CRPPA: variants seen among roughly 807,000 people sequenced by gnomAD.
The protein encoded by CRPPA is CDP-L-ribitol pyrophosphorylase A.
A neutral mutation model predicts 52.0 loss-of-function variants in CRPPA; 43 were observed. The ratio of observed to expected loss-of-function variants is 0.83; its 90% confidence interval spans 0.65 to 1.07. The LOEUF (loss-of-function observed/expected upper bound fraction) is 1.07. Among genes scored for constraint, CRPPA ranks in the 50% least tolerant of loss-of-function variants. CRPPA has a pLI of 0.00. For missense variants in CRPPA, 629 were observed against 551.7 expected (o/e 1.14, Z -1.40); for synonymous variants, 250 against 203.5 (o/e 1.23, Z -1.94).
At chr7:16,366,887 A>G (rs1786608086) in intron 3 of CRPPA, among the ~76,000 whole-genome samples, 1 of 152,088 alleles carries the variant, frequency 6.6e-6, no homozygotes, top group African/African-American at 2.4e-5. Context: ...AAGATTGTCA[A>G]TTTACTTCCT....
chr7:16,399,491 T>G (rs1370278660), intron 2 of CRPPA, among the ~76,000 whole-genome samples: 4 of 126,146 alleles, frequency 3.2e-5, no homozygotes, highest in African/African-American at 1.4e-4. Context: ...GATCAACACA[T>G]GTGACTCGTG....
chr7:16,421,027 GC>G, intron 1 of CRPPA, 38 bp downstream of exon 1: 1 of 1,264,216 alleles, frequency 7.9e-7, no homozygotes, highest in Non-Finnish European at 1.0e-6. Flanking sequence ...GGGAGGCCGG[GC>G]CCCAGGGAAC....
At chr7:16,157,564 T>A (rs1783210017) in intron 9 of CRPPA, among the ~76,000 whole-genome samples, 2 of 152,186 alleles carry the variant, frequency 1.3e-5, no homozygotes, top group Non-Finnish European at 2.9e-5. Context: ...AGTATTTTTT[T>A]AATAATGATA....
At chr7:16,286,423 T>C (rs941068238) in intron 5 of CRPPA, among the ~76,000 whole-genome samples, 2 of 152,034 alleles carry the variant, frequency 1.3e-5, no homozygotes, top group Admixed American at 1.3e-4. Context: ...ATCTCCTCTT[T>C]GGTGTTTCTC....
intron 3 of CRPPA, among the ~76,000 whole-genome samples, chr7:16,352,813 C>T (rs796223304): frequency 4.6e-5 from 7 of 151,618 alleles, no homozygotes; most frequent in African/African-American, 1.5e-4. Flanking sequence ...CACTGCAGGA[C>T]GTCACATTAG....
chr7:16,210,569 T>C (rs1302730916), intron 9 of CRPPA: 2 of 152,110 alleles, frequency 1.3e-5, no homozygotes, highest in Non-Finnish European at 2.9e-5. Context: ...CTCAGTGCAA[T>C]AGCTCATGAG....
At chr7:16,231,333 T>C (rs1782790085) in intron 8 of CRPPA, among the ~76,000 whole-genome samples, 1 of 152,172 alleles carries the variant, frequency 6.6e-6, no homozygotes, top group Non-Finnish European at 1.5e-5. Flanking sequence ...GTTGTTCAAA[T>C]TGATGTTTCT....
At chr7:16,361,202 T>A (rs1268052957) in intron 3 of CRPPA, among the ~76,000 whole-genome samples, 5 of 152,158 alleles carry the variant, frequency 3.3e-5, no homozygotes, top group Admixed American at 6.5e-5. Context: ...TTGTTTTTTT[T>A]AAAGTAACTG....
chr7:16,299,720 T>C (rs964648280), intron 5 of CRPPA, among the ~76,000 whole-genome samples: 8 of 152,232 alleles, frequency 5.3e-5, no homozygotes, highest in Admixed American at 4.6e-4. Flanking sequence ...AAGTAGAACA[T>C]GTTTTAAATA....
chr7:16,379,377 G>A (rs1289273142), intron 2 of CRPPA, among the ~76,000 whole-genome samples: 1 of 152,162 alleles, frequency 6.6e-6, no homozygotes, highest in Non-Finnish European at 1.5e-5. Context: ...GTACCATGCT[G>A]TTTTGGTTAC....
At chr7:16,400,194 T>C (rs902034919) in intron 2 of CRPPA, among the ~76,000 whole-genome samples, 1 of 151,872 alleles carries the variant, frequency 6.6e-6, no homozygotes, top group African/African-American at 2.4e-5. Context: ...ACTGACACGA[T>C]TGAAACATGG....
At chr7:16,396,787 G>C (rs1316995216) in intron 2 of CRPPA, among the ~76,000 whole-genome samples, 1 of 152,228 alleles carries the variant, frequency 6.6e-6, no homozygotes, top group Admixed American at 6.5e-5. Flanking sequence ...AGGAAGACGT[G>C]ATATGTGTGT....
intron 8 of CRPPA, among the ~76,000 whole-genome samples, chr7:16,244,412 G>C (rs1783210508): frequency 6.6e-6 from 1 of 152,136 alleles, no homozygotes; most frequent in Admixed American, 6.6e-5. Context: ...CTTCTTCCAG[G>C]AGAAATAATA....
At chr7:16,408,127 A>T (rs377477893) in intron 1 of CRPPA, among the ~76,000 whole-genome samples, 2,228 of 151,430 alleles carry the variant, frequency 0.015, 65 homozygotes, top group African/African-American at 0.051. Context: ...AAAAATAAAA[A>T]AATAACTTAT....
chr7:16,184,389 A>T (rs937764449), intron 9 of CRPPA, among the ~76,000 whole-genome samples: 2 of 152,158 alleles, frequency 1.3e-5, no homozygotes, highest in Non-Finnish European at 2.9e-5. Context: ...GCTTCTTCTC[A>T]TATTTCATAT....
intron 3 of CRPPA, among the ~76,000 whole-genome samples, chr7:16,334,948 C>T (rs111988890): frequency 5.3e-5 from 8 of 151,844 alleles, no homozygotes; most frequent in Non-Finnish European, 1.2e-4. Context: ...TCAAAGTACA[C>T]AAATAAAGCT....
intron 6 of CRPPA, chr7:16,269,697 C>G (rs565053874): frequency 6.6e-6 from 1 of 152,122 alleles, no homozygotes; most frequent in Non-Finnish European, 1.5e-5. Flanking sequence ...ATATTTGATT[C>G]AGTGTTCCCA....
At chr7:16,234,761 T>C (rs1056912409) in intron 8 of CRPPA, among the ~76,000 whole-genome samples, 2 of 152,100 alleles carry the variant, frequency 1.3e-5, no homozygotes, top group African/African-American at 4.8e-5. Context: ...TCTGAATATC[T>C]ACACATGCTG....
At chr7:16,361,070 C>T (rs1400445447) in intron 3 of CRPPA, among the ~76,000 whole-genome samples, 1 of 152,050 alleles carries the variant, frequency 6.6e-6, no homozygotes, top group Admixed American at 6.6e-5. Flanking sequence ...TCATTTCTCC[C>T]AAGAAGATAT....
Sources: allele counts gnomAD v4.1 joint callset (sites outside exome capture counted in the v4.1 genomes callset), GRCh38; gene constraint gnomAD v4.1.1; transcripts MANE v1.5; gene names NCBI Gene and HGNC (gene_info 2026-07-23, HGNC 2026-07-21).